Variants in FASTKD2 observed in about 807,000 individuals in gnomAD.
FASTKD2 encodes the protein FAST kinase domain-containing protein 2, mitochondrial.
A neutral mutation model predicts 63.6 loss-of-function variants in FASTKD2; 51 were observed. The observed-to-expected ratio is 0.80, with a 90% CI of 0.64 to 1.01. The LOEUF (loss-of-function observed/expected upper bound fraction) is 1.01. FASTKD2 is among the 50% of genes least tolerant of loss of function. FASTKD2 has a pLI of 0.00. For missense variants in FASTKD2, 786 were observed against 831.1 expected, an observed-to-expected ratio of 0.95 and a Z score of 0.67; for synonymous variants, 284 against 293.4, an observed-to-expected ratio of 0.97 and a Z score of 0.33.
chr2:206,778,988 G>A (rs973060948), intron 7 of FASTKD2, among the ~76,000 whole-genome samples: 5 of 152,092 alleles, frequency 3.3e-5, no homozygotes, highest in Non-Finnish European at 7.4e-5. Context: ...CAAGTCCTTT[G>A]TTTTCTTACT....
chr2:206,766,104 A>G (rs1201126240), intron 1 of FASTKD2, among the ~76,000 whole-genome samples: 1 of 151,892 alleles, frequency 6.6e-6, no homozygotes, highest in Admixed American at 6.6e-5. Flanking sequence ...TACAAAAAAT[A>G]CAAAAATTAG....
chr2:206,770,881 A>T (rs534130483), intron 3 of FASTKD2, among the ~76,000 whole-genome samples: 6 of 152,326 alleles, frequency 3.9e-5, no homozygotes, highest in African/African-American at 1.4e-4. Flanking sequence ...ATCTAATGTC[A>T]TAGATTAGTG....
chr2:206,790,128 A>G (rs11900339), intron 10 of FASTKD2: 2,444 of 156,402 alleles, frequency 0.016, 73 homozygotes, highest in African/African-American at 0.054. Flanking sequence ...TCTTGTATTT[A>G]AACTCCTATT....
At chr2:206,773,477 A>G (rs549738084) in intron 6 of FASTKD2, among the ~76,000 whole-genome samples, 1 of 152,312 alleles carries the variant, frequency 6.6e-6, no homozygotes, top group African/African-American at 2.4e-5. Context: ...CTTAATGGTC[A>G]TGTCCATTGT....
At position 206,793,393 on chromosome 2, in the gene FASTKD2, G is replaced by A. The variant is rs1033256081; in HGVS notation, c.*1591G>A. ...TCATTTTATGGACGAGGAAGATAAGGCTCAAAGAATTTTCCTTTCCTGAAG... is the reference window on the plus strand; with the variant it reads ...TCATTTTATGGACGAGGAAGATAAGACTCAAAGAATTTTCCTTTCCTGAAG... On this transcript the variant is annotated 3_prime_UTR_variant, in exon 12 of 12. Coordinates refer to ENST00000402774, the MANE Select transcript of FASTKD2 (RefSeq NM_001136193.2). 6.6e-6 allele frequency among the ~76,000 whole-genome samples: 1 copy of A among 152,062 alleles called. No homozygotes were observed. Among genetic ancestry groups the A allele is most frequent in the Non-Finnish European group, 1.5e-5 (1 of 68,006 alleles).
At chr2:206,767,499 A>T (rs953450284) in intron 2 of FASTKD2, 29 bp downstream of exon 2, 5 of 1,553,460 alleles carry the variant, frequency 3.2e-6, no homozygotes, top group Admixed American at 3.4e-5. Context: ...TTAAACATGC[A>T]TTTACTTGAT....
intron 9 of FASTKD2, 58 bp downstream of exon 9, chr2:206,788,213 G>A: frequency 7.7e-7 from 1 of 1,290,414 alleles, no homozygotes. Context: ...CTTTTTTTCT[G>A]ACCAAAAAAA....
At chr2:206,770,705 G>A (rs1419493883) in intron 3 of FASTKD2, among the ~76,000 whole-genome samples, 1 of 150,016 alleles carries the variant, frequency 6.7e-6, no homozygotes, top group Non-Finnish European at 1.5e-5. Flanking sequence ...ACTCCAGCCT[G>A]GGCAACAGAG....
chr2:206,790,757 T>C (rs1486187080), intron 11 of FASTKD2, 71 bp downstream of exon 11: 9 of 872,046 alleles, frequency 1.0e-5, no homozygotes, highest in African/African-American at 1.6e-5. Context: ...AGGAATCTTG[T>C]GGTTGAGACT....
At chr2:206,787,066 T>C (rs1330379951) in intron 8 of FASTKD2, among the ~76,000 whole-genome samples, 167 bp downstream of exon 8, 1 of 152,168 alleles carries the variant, frequency 6.6e-6, no homozygotes, top group Non-Finnish European at 1.5e-5. Flanking sequence ...AGGATAGTGC[T>C]TCAAAGCAGC....
intron 2 of FASTKD2, among the ~76,000 whole-genome samples, chr2:206,767,833 A>G (rs1689567327): frequency 6.6e-6 from 1 of 152,240 alleles, no homozygotes; most frequent in African/African-American, 2.4e-5. Flanking sequence ...ATTCAGGCCC[A>G]GTAGATGATA....
intron 7 of FASTKD2, among the ~76,000 whole-genome samples, chr2:206,779,112 G>A (rs1689900707): frequency 6.6e-6 from 1 of 151,948 alleles, no homozygotes; most frequent in South Asian, 2.1e-4. Flanking sequence ...TGATGAATTG[G>A]CCCTTTTATC....
chr2:206,790,588 G>A lies in FASTKD2; in HGVS notation c.1915G>A (p.Val639Ile). 2 of 1,607,162 alleles carry A rather than the reference G, an allele frequency of 1.2e-6. No homozygotes were observed. The highest frequency in any genetic ancestry group is 1.1e-5 in the South Asian group (1 of 90,948). ...TGTTTTCAGAGTAGCTGTGCTATGT[G>A]TTTCCAGATCTGCTTATTGTTTGGG... ...TDIQRVAVLC[V>I]SRSAYCLGSS... The change falls in exon 11 of 12, where the codon GTT (valine) becomes ATT (isoleucine). Residue 639 changes from valine to isoleucine, a missense_variant. Transcript: ENST00000402774.
At position 206,796,018 on chromosome 2, in the gene FASTKD2, G is replaced by A. The variant is rs1690444582; in HGVS notation, c.*4216G>A. Among the ~76,000 whole-genome samples the A allele has an allele frequency of 6.6e-6, 1 of 152,146 alleles. No individual in the cohort carries two copies. The highest frequency in any genetic ancestry group is 1.5e-5 in the Non-Finnish European group (1 of 68,028). ...CTCCTTCAGCCTTTCCATTCATCTT[G>A]TAAGCAGGAGGCTTCTGTGCATGGC... On this transcript the variant is annotated 3_prime_UTR_variant, in exon 12 of 12. Transcript: ENST00000402774.
Position 206,772,609 on chromosome 2 carries a change from G to T in FASTKD2, c.1254+289G>T, listed in dbSNP as rs554119894. Among the ~76,000 whole-genome samples the T allele has an allele frequency of 2.2e-4, 33 of 152,298 alleles. 1 individual carries two copies. Among genetic ancestry groups the T allele is most frequent in the African/African-American group, 7.0e-4 (29 of 41,570 alleles). On this transcript the variant is annotated intron_variant, in intron 6 of 11. Transcript: ENST00000402774. ...CATACTTTGAATTTTGAATTTTGTTGTTTTGCTGGGTTAGTGATATGTTGT... is the reference window on the plus strand; with the variant it reads ...CATACTTTGAATTTTGAATTTTGTTTTTTTGCTGGGTTAGTGATATGTTGT...
chr2:206,780,925 A>G (rs904701050), intron 7 of FASTKD2, among the ~76,000 whole-genome samples: 15 of 151,940 alleles, frequency 9.9e-5, no homozygotes, highest in African/African-American at 3.4e-4. Flanking sequence ...TTCAGTTATT[A>G]TATTCTTTAG....
intron 11 of FASTKD2, 46 bp downstream of exon 11, chr2:206,790,732 AT>A (rs1690262387): frequency 9.1e-7 from 1 of 1,096,620 alleles, no homozygotes; most frequent in Non-Finnish European, 1.4e-6. Context: ...ACTGATGTAC[AT>A]TCTAACAGCT....
At chr2:206,788,762 A>C (rs1690204071) in intron 9 of FASTKD2, 57 bp from the exon 10 acceptor site, 2 of 901,540 alleles carry the variant, frequency 2.2e-6, no homozygotes, top group Admixed American at 4.0e-5. Flanking sequence ...AAAGAAAAGA[A>C]AAAGAAAGTC....
rs58656956 is a variant in FASTKD2 at position 206,793,220 on chromosome 2, CAAAAAAAAAAAAAA to C, written c.*1436_*1449del. Among the ~76,000 whole-genome samples, 18 of 65,822 alleles carry C rather than the reference CAAAAAAAAAAAAAA, an allele frequency of 2.7e-4. No homozygotes were observed. The highest frequency in any genetic ancestry group is 7.0e-4 in the South Asian group (1 of 1,432). 43.2% of individuals were successfully genotyped at this position (65,822 alleles called of 152,430 possible). On this transcript the variant is annotated 3_prime_UTR_variant, in exon 12 of 12. Transcript: ENST00000402774. ...CTGACCACAGAGCGAGACTCTGTCT[CAAAAAAAAAAAAAA>C]AAAAAAAAAAAAAAAAATACAAAAA...
Sources: allele counts gnomAD v4.1 joint callset (sites outside exome capture counted in the v4.1 genomes callset), GRCh38; gene constraint gnomAD v4.1.1; transcripts MANE v1.5; gene names NCBI Gene and HGNC (gene_info 2026-07-23, HGNC 2026-07-21).